KDM6A: variants seen among roughly 807,000 people sequenced by gnomAD.
KDM6A encodes the protein lysine demethylase 6A.
In KDM6A, 11 loss-of-function variants were observed where a neutral mutation model predicts 117.6. That is an observed-to-expected ratio of 0.09 (90% CI 0.06 to 0.15). KDM6A has a LOEUF of 0.15. Among genes scored for constraint, KDM6A ranks in the 10% least tolerant of loss-of-function variants. The pLI is 1.00. For synonymous variants in KDM6A, 384 were observed against 396.1 expected, an observed-to-expected ratio of 0.97 and a Z score of 0.36; for missense variants, 799 against 1,077.3, an observed-to-expected ratio of 0.74 and a Z score of 3.62.
At chrX:45,000,780 G>A (rs1043376597) in intron 4 of KDM6A, among the ~76,000 whole-genome samples, 3 of 112,535 alleles carry the variant, frequency 2.7e-5, no homozygotes, top group African/African-American at 6.5e-5. Context: ...GCCGGACTTC[G>A]GGATATAGCA....
chrX:45,083,049 C>A lies in KDM6A; in HGVS notation c.3440+260C>A, dbSNP rs771638104. Among the ~76,000 whole-genome samples the A allele has an allele frequency of 4.3e-3, 479 of 110,484 alleles. 8 individuals are homozygous for A. The highest frequency in any genetic ancestry group is 0.015 in the African/African-American group (454 of 30,374). ...CAAGGGATCCTCCCACCTCAGCCTT[C>A]CAAAGTGTTGGGGTTACAGTTGTGA... On this transcript the variant is annotated intron_variant, in intron 23 of 29. Transcript: ENST00000611820.
chrX:44,879,396 C>A (rs1355432920), intron 2 of KDM6A, among the ~76,000 whole-genome samples: 1 of 111,862 alleles, frequency 8.9e-6, no homozygotes, highest in African/African-American at 3.2e-5. Flanking sequence ...GGTGGTTAGG[C>A]TGTTTAGGAC....
chrX:44,937,917 C>A (rs1250298782), intron 2 of KDM6A, among the ~76,000 whole-genome samples: 1 of 109,187 alleles, frequency 9.2e-6, no homozygotes, highest in Non-Finnish European at 1.9e-5. Flanking sequence ...TGGAGTGCAG[C>A]GGCATGATAT....
At chrX:45,095,229 G>A (rs2046054989) in intron 27 of KDM6A, among the ~76,000 whole-genome samples, 1 of 110,935 alleles carries the variant, frequency 9.0e-6, no homozygotes, top group Non-Finnish European at 1.9e-5. Flanking sequence ...TTGACTAGAG[G>A]TAGAGCCAAG....
intron 4 of KDM6A, among the ~76,000 whole-genome samples, chrX:44,990,745 G>A (rs1323917101): frequency 9.0e-6 from 1 of 110,988 alleles, no homozygotes; most frequent in Non-Finnish European, 1.9e-5. Flanking sequence ...AACTGCAGTT[G>A]ACTTTTATGT....
At chrX:45,048,895 T>TTTTTTTTTTTTTTTTTTTTTGAG (rs2043705649) in intron 8 of KDM6A, among the ~76,000 whole-genome samples, 1 of 110,169 alleles carries the variant, frequency 9.1e-6, no homozygotes, top group African/African-American at 3.4e-5. Flanking sequence ...GTTACTTTTT[T>TTTTTTTTTTTTTTTTTTTTTGAG]ACACATCGTT....
intron 10 of KDM6A, among the ~76,000 whole-genome samples, chrX:45,056,473 A>C (rs1224840464): frequency 8.9e-6 from 1 of 112,036 alleles, no homozygotes; most frequent in Non-Finnish European, 1.9e-5. Context: ...TAAAATTGTA[A>C]TGTGATATTC....
intron 27 of KDM6A, among the ~76,000 whole-genome samples, chrX:45,099,690 A>G (rs1050120733): frequency 1.9e-4 from 21 of 111,794 alleles, no homozygotes; most frequent in East Asian, 5.6e-4. Flanking sequence ...TTTTCATAGT[A>G]TATGGTTTTT....
chrX:44,884,775 T>A (rs2032693477), intron 2 of KDM6A, among the ~76,000 whole-genome samples: 1 of 111,783 alleles, frequency 8.9e-6, no homozygotes, highest in African/African-American at 3.3e-5. Context: ...TCTGACAACA[T>A]CTCAGTCTTT....
chrX:44,956,374 C>T (rs995852456), intron 2 of KDM6A, among the ~76,000 whole-genome samples: 24 of 110,623 alleles, frequency 2.2e-4, no homozygotes, highest in African/African-American at 6.2e-4. Flanking sequence ...CTTCCGTTTC[C>T]TTTTCTTTTT....
At chrX:45,036,238 C>A (rs2042809433) in intron 7 of KDM6A, among the ~76,000 whole-genome samples, 1 of 111,569 alleles carries the variant, frequency 9.0e-6, no homozygotes, top group African/African-American at 3.3e-5. Context: ...CCTGCCTTAG[C>A]CTCCTGTAAA....
At chrX:45,051,880 G>GA in intron 9 of KDM6A, 78 bp downstream of exon 9, 2 of 563,375 alleles carry the variant, frequency 3.6e-6, no homozygotes, top group Non-Finnish European at 3.0e-6. Context: ...GCAAATATGT[G>GA]GCTCATATAT....
At chrX:45,092,098 C>T (rs931254712) in intron 27 of KDM6A, among the ~76,000 whole-genome samples, 1 of 110,592 alleles carries the variant, frequency 9.0e-6, no homozygotes, top group Non-Finnish European at 1.9e-5. Context: ...ACCATACTCT[C>T]GATAAATATA....
At chrX:45,025,267 A>G (rs1295723988) in intron 6 of KDM6A, among the ~76,000 whole-genome samples, 4 of 111,326 alleles carry the variant, frequency 3.6e-5, no homozygotes, top group East Asian at 5.7e-4. Flanking sequence ...GTTTCGAACA[A>G]TTCTCCTGTC....
chrX:44,944,103 G>A (rs1033417490), intron 2 of KDM6A, among the ~76,000 whole-genome samples: 4 of 111,539 alleles, frequency 3.6e-5, no homozygotes, highest in African/African-American at 1.3e-4. Flanking sequence ...TGTAATCCCA[G>A]CGCTTTGAGA....
chrX:45,051,886 T>C, intron 9 of KDM6A, 84 bp downstream of exon 9: 1 of 539,867 alleles, frequency 1.9e-6, no homozygotes, highest in Non-Finnish European at 3.2e-6. Context: ...ATGTGGCTCA[T>C]ATATTCTATT....
chrX:45,074,896 C>CA (rs2045041181), intron 18 of KDM6A, among the ~76,000 whole-genome samples: 1 of 111,757 alleles, frequency 8.9e-6, no homozygotes, highest in South Asian at 3.7e-4. Context: ...GTGTAAATGA[C>CA]AGAGACAGAA....
intron 17 of KDM6A, among the ~76,000 whole-genome samples, chrX:45,069,175 T>C (rs2044703703): frequency 8.9e-6 from 1 of 112,522 alleles, no homozygotes; most frequent in Non-Finnish European, 1.9e-5. Flanking sequence ...TGAACTCACT[T>C]TCTATATTAA....
At chrX:44,892,286 C>T (rs752289558) in intron 2 of KDM6A, among the ~76,000 whole-genome samples, 15 of 112,099 alleles carry the variant, frequency 1.3e-4, no homozygotes, top group African/African-American at 3.2e-4. Flanking sequence ...AGGCCGGGTA[C>T]GGTGGCTCAC....
Sources: gnomAD v4.1 joint callset for allele counts (sites outside exome capture counted in the v4.1 genomes callset) on GRCh38, gnomAD v4.1.1 for gene constraint, MANE v1.5 for transcripts, NCBI Gene and HGNC (gene_info 2026-07-23, HGNC 2026-07-21) for gene names.